CFAP57: variants seen among roughly 807,000 people sequenced by gnomAD.
The protein encoded by CFAP57 is cilia and flagella associated protein 57, also known as cilia- and flagella-associated protein 57.
In CFAP57, 116 loss-of-function variants were observed where a neutral mutation model predicts 146.8. The ratio of observed to expected loss-of-function variants is 0.79; its 90% CI spans 0.68 to 0.92. The LOEUF (loss-of-function observed/expected upper bound fraction) is 0.92. Among genes scored for constraint, CFAP57 ranks in the 40% least tolerant of loss-of-function variants. CFAP57 has a pLI of 0.00. For synonymous variants in CFAP57, 518 were observed against 552.8 expected, an observed-to-expected ratio of 0.94 and a Z score of 0.88; for missense variants, 1,377 against 1,527.2, an observed-to-expected ratio of 0.90 and a Z score of 1.64.
chr1:43,240,930 G>A (rs1169130926), intron 21 of CFAP57, among the ~76,000 whole-genome samples: 1 of 152,222 alleles, frequency 6.6e-6, no homozygotes, highest in African/African-American at 2.4e-5. Context: ...CGCCTCCTGG[G>A]TTCATGCCAT....
At position 43,243,273 on chromosome 1, in the gene CFAP57, T is replaced by C; in HGVS notation, c.3452T>C (p.Leu1151Pro). Residue 1151 changes from leucine (L) to proline (P), a missense_variant, in exon 22 of 23, where the codon CTG (leucine) becomes CCG (proline). Coordinates refer to ENST00000372492, the MANE Select transcript of CFAP57 (RefSeq NM_001378189.1). ...GAAATTAATGAGCTCCGCAGGGAGC[T>C]GAAGTTCACTCGGTCCCAAGTCTAT... ...IKEINELRRE[L>P]KFTRSQVYDL... 1 of 1,550,158 alleles carries C rather than the reference T, an allele frequency of 6.5e-7. No individual in the cohort carries two copies. The highest frequency in any genetic ancestry group is 8.7e-7 in the Non-Finnish European group (1 of 1,146,722).
intron 17 of CFAP57, among the ~76,000 whole-genome samples, 194 bp from the exon 18 acceptor site, chr1:43,226,789 A>T (rs533691885): frequency 6.6e-6 from 1 of 152,306 alleles, no homozygotes; most frequent in South Asian, 2.1e-4. Flanking sequence ...GAGTCCTTGT[A>T]CAGAGGCTGA....
intron 2 of CFAP57, 144 bp downstream of exon 2, chr1:43,173,054 A>G: frequency 1.4e-6 from 1 of 713,584 alleles, no homozygotes; most frequent in Non-Finnish European, 2.4e-6. Context: ...ATAAATGGCG[A>G]CTTGTATTAT....
Position 43,183,797 on chromosome 1 carries a change from T to C in CFAP57, c.681T>C (p.Asp227=). 3.7e-6 allele frequency: 6 copies of C among 1,614,206 alleles called. No homozygotes were observed. The highest frequency in any genetic ancestry group is 5.1e-6 in the Non-Finnish European group (6 of 1,180,036). Residue 227 remains aspartate (D), a synonymous_variant, in exon 4 of 23, where the codon GAT becomes GAC. Transcript: ENST00000372492. ...AACTCTTCCTCTTTGAATCTGGAGA[T>C]CAGCGTTGGGAGACCAGCATAATGG... ...TGKLFLFESG[D]QRWETSIMVK...
intron 18 of CFAP57, among the ~76,000 whole-genome samples, chr1:43,231,718 A>AAAAAAAAAAAAAAAAAAAAAAAG (rs373943745): frequency 6.9e-6 from 1 of 144,268 alleles, no homozygotes; most frequent in Non-Finnish European, 1.5e-5. Flanking sequence ...AAAAAAAAAA[A>AAAAAAAAAAAAAAAAAAAAAAAG]TTAGTTGGGC....
chr1:43,208,194 T>G (rs550499169), intron 10 of CFAP57, among the ~76,000 whole-genome samples: 18 of 152,326 alleles, frequency 1.2e-4, no homozygotes, highest in Non-Finnish European at 2.5e-4. Flanking sequence ...AATTTTACAC[T>G]GTTGGTGGGA....
At chr1:43,186,108 G>A (rs978939591) in intron 5 of CFAP57, among the ~76,000 whole-genome samples, 4 of 151,182 alleles carry the variant, frequency 2.6e-5, no homozygotes, top group South Asian at 2.1e-4. Flanking sequence ...CAGATGTGGT[G>A]GTGTGCACCT....
In CFAP57 at chr1:43,234,397, T is replaced by C. The variant is rs1234379967; in HGVS notation, c.3245T>C (p.Val1082Ala). The stretch of plus-strand genomic sequence containing the variant: ...GTTCGAGGTCTCTTTGAGAAGTACG[T>C]GCAGCGAGCAGACATGGTAAGCTCA... ...EKVRGLFEKY[V>A]QRADMVEIAG... Residue 1082 changes from valine to alanine, a missense_variant, in exon 20 of 23, where the codon GTG (valine) becomes GCG (alanine). Transcript: ENST00000372492. 6.5e-7 allele frequency: 1 copy of C among 1,549,420 alleles called. No individual in the cohort carries two copies. The highest frequency in any genetic ancestry group is 1.4e-5 in the African/African-American group (1 of 73,006).
Position 43,219,460 on chromosome 1 carries a change from A to C in CFAP57, c.2170A>C (p.Met724Leu). The stretch of plus-strand genomic sequence containing the variant: ...TGAGTATCAACTCCGACTAAAGGAC[A>C]TGAACTATTCTGAGAAGATTAAGGA... ...ENEYQLRLKD[M>L]NYSEKIKELT... Residue 724 changes from methionine (M) to leucine (L), a missense_variant, in exon 13 of 23, where the codon ATG becomes CTG. Physicochemically the swap from Met to Leu is conservative, Grantham distance 15 (BLOSUM62 2). Transcript: ENST00000372492. 6.4e-7 allele frequency: 1 copy of C among 1,550,642 alleles called. No individual in the cohort carries two copies. The highest frequency in any genetic ancestry group is 8.7e-7 in the Non-Finnish European group (1 of 1,146,998).
chr1:43,183,539 C>A, intron 3 of CFAP57, 52 bp from the exon 4 acceptor site: 2 of 1,495,964 alleles, frequency 1.3e-6, no homozygotes, highest in South Asian at 2.3e-5. Context: ...GAAATAATTC[C>A]ATCAAGAATA....
intron 7 of CFAP57, 99 bp downstream of exon 7, chr1:43,197,791 GA>G: frequency 6.6e-7 from 1 of 1,507,504 alleles, no homozygotes; most frequent in South Asian, 1.2e-5. Flanking sequence ...TAATTATTTA[GA>G]AGCTTTCAGT....
chr1:43,234,801 G>A (rs189270741), intron 21 of CFAP57, among the ~76,000 whole-genome samples, 163 bp downstream of exon 21: 157 of 152,160 alleles, frequency 1.0e-3, no homozygotes, highest in Admixed American at 2.5e-3. Flanking sequence ...CTCTGAGCTC[G>A]TCTTGGCTGT....
chr1:43,228,071 C>T (rs1277295921), intron 18 of CFAP57, among the ~76,000 whole-genome samples: 1 of 152,188 alleles, frequency 6.6e-6, no homozygotes, highest in East Asian at 1.9e-4. Flanking sequence ...CCAGTCTGGT[C>T]TCCACATAGA....
intron 9 of CFAP57, among the ~76,000 whole-genome samples, chr1:43,205,650 A>G (rs992577730): frequency 6.6e-6 from 1 of 152,176 alleles, no homozygotes; most frequent in South Asian, 2.1e-4. Context: ...ACAAGTGACA[A>G]TGGGCCGAGG....
At position 43,221,363 on chromosome 1, in the gene CFAP57, CTG is replaced by C; in HGVS notation, c.2248-7_2248-6del. The C allele has an allele frequency of 6.5e-7, 1 of 1,532,594 alleles. No homozygotes were observed. Among genetic ancestry groups the C allele is most frequent in the Non-Finnish European group, 8.8e-7 (1 of 1,137,390 alleles). 94.9% of individuals were successfully genotyped at this position (1,532,594 alleles called of 1,614,324 possible). On this transcript the variant is annotated splice_polypyrimidine_tract_variant and splice_region_variant and intron_variant, in intron 13 of 22. Transcript: ENST00000372492. The stretch of plus-strand genomic sequence containing the variant: ...TGTGTGTAAATGAGGAAATGTGACT[CTG>C]TTTTAGGTCTTAAGAACAGAAAAAG...
At chr1:43,250,062 A>G (rs1309922710) in intron 22 of CFAP57, among the ~76,000 whole-genome samples, 1 of 152,248 alleles carries the variant, frequency 6.6e-6, no homozygotes, top group Non-Finnish European at 1.5e-5. Flanking sequence ...TACATAAGTC[A>G]CGTGAACTTG....
intron 11 of CFAP57, chr1:43,210,738 A>T (rs1644568015): frequency 6.5e-6 from 1 of 152,770 alleles, no homozygotes; most frequent in Non-Finnish European, 1.5e-5. Flanking sequence ...TTATGGGGGT[A>T]GTTGGTGGCA....
intron 2 of CFAP57, among the ~76,000 whole-genome samples, chr1:43,181,162 C>A (rs1359014499): frequency 6.6e-6 from 1 of 152,184 alleles, no homozygotes; most frequent in Non-Finnish European, 1.5e-5. Flanking sequence ...ATCTCCACCT[C>A]CCAGGTTCAA....
chr1:43,244,093 CT>C (rs1298915690), intron 22 of CFAP57, among the ~76,000 whole-genome samples: 3 of 152,202 alleles, frequency 2.0e-5, no homozygotes, highest in Non-Finnish European at 2.9e-5. Context: ...AATGAACAGC[CT>C]TTAATTACAT....
Sources: gnomAD v4.1 joint callset for allele counts (sites outside exome capture counted in the v4.1 genomes callset) on GRCh38, gnomAD v4.1.1 for gene constraint, MANE v1.5 for transcripts, NCBI Gene and HGNC (gene_info 2026-07-23, HGNC 2026-07-21) for gene names.